LRRC4C: variants seen among roughly 807,000 people sequenced by gnomAD.
LRRC4C encodes the protein leucine-rich repeat-containing protein 4C.
A neutral mutation model predicts 33.6 loss-of-function variants in LRRC4C; 5 were observed. That is an observed-to-expected ratio of 0.15 (90% CI 0.08 to 0.31). The LOEUF (loss-of-function observed/expected upper bound fraction) is 0.31, where lower values mean the gene tolerates loss of function less well. Ranked by LOEUF, LRRC4C falls within the 10% of genes least tolerant of loss-of-function variation. The pLI is 1.00. For synonymous variants in LRRC4C, 329 were observed against 302.0 expected (o/e 1.09, Z -0.93); for missense variants, 560 against 796.7 (o/e 0.70, Z 3.58).
chr11:40,967,975 A>G (rs565295157), intron 1 of LRRC4C, among the ~76,000 whole-genome samples: 3 of 152,032 alleles, frequency 2.0e-5, no homozygotes, highest in Non-Finnish European at 4.4e-5. Context: ...AAAGGTAGAA[A>G]GATTAAGCTT....
intron 3 of LRRC4C, among the ~76,000 whole-genome samples, chr11:40,350,084 T>C (rs1321439878): frequency 6.6e-6 from 1 of 152,144 alleles, no homozygotes; most frequent in Non-Finnish European, 1.5e-5. Flanking sequence ...GTGTAGAAAC[T>C]ATTTAACTAT....
At chr11:40,879,683 G>A (rs922930163) in intron 2 of LRRC4C, among the ~76,000 whole-genome samples, 1 of 152,050 alleles carries the variant, frequency 6.6e-6, no homozygotes, top group Non-Finnish European at 1.5e-5. Context: ...GTGTATTGGA[G>A]GAAGACCTTC....
chr11:40,455,100 C>G (rs1397693495), intron 3 of LRRC4C, among the ~76,000 whole-genome samples: 2 of 152,096 alleles, frequency 1.3e-5, no homozygotes, highest in African/African-American at 4.8e-5. Context: ...GTTGTCCACA[C>G]TTGAAAAGAG....
intron 4 of LRRC4C, among the ~76,000 whole-genome samples, chr11:40,276,863 G>C (rs79939751): frequency 2.6e-5 from 4 of 151,986 alleles, no homozygotes; most frequent in Non-Finnish European, 4.4e-5. Context: ...AAACTGATTG[G>C]GGGCATTGCC....
intron 1 of LRRC4C, among the ~76,000 whole-genome samples, chr11:41,200,063 G>A (rs916405255): frequency 2.0e-5 from 3 of 152,016 alleles, no homozygotes; most frequent in African/African-American, 7.2e-5. Flanking sequence ...GTGTGTCTCT[G>A]TTCCTTATTC....
chr11:41,162,909 T>C (rs918234543), intron 1 of LRRC4C, among the ~76,000 whole-genome samples: 9 of 152,180 alleles, frequency 5.9e-5, no homozygotes, highest in Admixed American at 5.9e-4. Context: ...CTTAGTGATA[T>C]GGTTTGGCAC....
chr11:41,140,856 T>C (rs1405544612), intron 1 of LRRC4C, among the ~76,000 whole-genome samples: 1 of 151,564 alleles, frequency 6.6e-6, no homozygotes, highest in Non-Finnish European at 1.5e-5. Context: ...AAATTTGTTT[T>C]TTATTTGACA....
chr11:41,412,889 C>T (rs1241106588), intron 1 of LRRC4C, among the ~76,000 whole-genome samples: 1 of 152,112 alleles, frequency 6.6e-6, no homozygotes, highest in African/African-American at 2.4e-5. Flanking sequence ...CACAATCTGC[C>T]CCTAACAGCC....
chr11:40,911,598 C>A (rs4442539), intron 2 of LRRC4C, among the ~76,000 whole-genome samples: 149,317 of 152,238 alleles, frequency 0.98, 73,312 homozygotes, highest in East Asian at 1. Context: ...GATGGGGAAA[C>A]AACAGAGCAG....
chr11:40,387,169 C>T (rs141396959), intron 3 of LRRC4C, among the ~76,000 whole-genome samples: 3 of 152,182 alleles, frequency 2.0e-5, no homozygotes, highest in African/African-American at 7.2e-5. Flanking sequence ...TAACTTTCCT[C>T]ATATTTATTT....
intron 5 of LRRC4C, among the ~76,000 whole-genome samples, chr11:40,205,446 A>C (rs954368502): frequency 6.6e-6 from 1 of 152,166 alleles, no homozygotes; most frequent in Non-Finnish European, 1.5e-5. Flanking sequence ...AAAACACTAT[A>C]TATTCAATTA....
At chr11:40,796,649 T>A (rs1212634565) in intron 2 of LRRC4C, among the ~76,000 whole-genome samples, 4 of 137,970 alleles carry the variant, frequency 2.9e-5, no homozygotes, top group South Asian at 2.2e-4. Flanking sequence ...TTTTTTTTTT[T>A]TTTTTTTTTT....
chr11:41,001,634 T>A (rs1462230), intron 1 of LRRC4C, among the ~76,000 whole-genome samples: 24,067 of 152,036 alleles, frequency 0.16, 2,018 homozygotes, highest in Middle Eastern at 0.22. Flanking sequence ...TCCACCCACA[T>A]TGCAAATATC....
At chr11:41,160,174 G>T (rs186020364) in intron 1 of LRRC4C, among the ~76,000 whole-genome samples, 110 of 152,110 alleles carry the variant, frequency 7.2e-4, no homozygotes, top group Non-Finnish European at 1.3e-3. Context: ...CATAAGAGTT[G>T]ATAACAATAA....
intron 4 of LRRC4C, among the ~76,000 whole-genome samples, chr11:40,247,754 C>G (rs746758614): frequency 2.6e-5 from 4 of 152,106 alleles, no homozygotes; most frequent in African/African-American, 4.8e-5. Flanking sequence ...GTCATGTCAC[C>G]TTCCAGATAT....
chr11:41,077,579 GCA>G (rs1939248194), intron 1 of LRRC4C, among the ~76,000 whole-genome samples: 1 of 152,160 alleles, frequency 6.6e-6, no homozygotes, highest in African/African-American at 2.4e-5. Context: ...TTGCAAGGCT[GCA>G]CAGAGTGGCA....
chr11:40,714,271 C>G (rs1946605226), intron 2 of LRRC4C, among the ~76,000 whole-genome samples: 1 of 152,158 alleles, frequency 6.6e-6, no homozygotes, highest in African/African-American at 2.4e-5. Context: ...TGATATTGTA[C>G]AAGAAAGTAA....
chr11:40,794,711 T>C (rs972214865), intron 2 of LRRC4C, among the ~76,000 whole-genome samples: 4 of 152,142 alleles, frequency 2.6e-5, no homozygotes, highest in Non-Finnish European at 5.9e-5. Flanking sequence ...GTAATACTGA[T>C]AGAACAACCA....
intron 1 of LRRC4C, among the ~76,000 whole-genome samples, chr11:41,123,261 G>GTTTTTTTTTTTT (rs1217714729): frequency 8.3e-5 from 4 of 48,104 alleles, no homozygotes; most frequent in African/African-American, 2.3e-4. Flanking sequence ...GCTATGTTTT[G>GTTTTTTTTTTTT]TTTTTTTTTT....
Sources: gnomAD v4.1 joint callset for allele counts (sites outside exome capture counted in the v4.1 genomes callset) on GRCh38, gnomAD v4.1.1 for gene constraint, MANE v1.5 for transcripts, NCBI Gene and HGNC (gene_info 2026-07-23, HGNC 2026-07-21) for gene names.